Variants in NAALADL2 observed in about 807,000 individuals in gnomAD.
NAALADL2 encodes N-acetylated alpha-linked acidic dipeptidase like 2.
In NAALADL2, 76 loss-of-function variants were observed where a neutral mutation model predicts 87.2. The ratio of observed to expected loss-of-function variants is 0.87; its 90% confidence interval spans 0.72 to 1.05. The LOEUF (loss-of-function observed/expected upper bound fraction) is 1.05, where lower values mean the gene tolerates loss of function less well. NAALADL2 is among the 50% of genes least tolerant of loss of function. NAALADL2 has a pLI of 0.00. For missense variants in NAALADL2, 1,089 were observed against 945.8 expected (o/e 1.15, Z -1.99); for synonymous variants, 354 against 331.0 (o/e 1.07, Z -0.75).
rs115595997 is a variant in NAALADL2 at position 175,490,133 on chromosome 3, C to T, written c.1653+18375C>T. Among the ~76,000 whole-genome samples, 338 of 152,274 alleles carry T rather than the reference C, an allele frequency of 2.2e-3. 1 individual carries two copies. The highest frequency in any genetic ancestry group is 6.4e-3 in the African/African-American group (265 of 41,562). ...AGCCAATGAGGTAGTGAGATGTTGA[C>T]TGCCTTTCAGGAAATAGGAGTTTTT... On this transcript the variant is annotated intron_variant, in intron 9 of 13. Coordinates refer to ENST00000454872, the MANE Select transcript of NAALADL2 (RefSeq NM_207015.3).
intron 2 of NAALADL2, among the ~76,000 whole-genome samples, chr3:175,116,286 T>A (rs1267909350): frequency 2.6e-5 from 4 of 151,958 alleles, no homozygotes; most frequent in Admixed American, 2.0e-4. Context: ...AAAGAGGAAG[T>A]CAAATTATCC....
intron 1 of NAALADL2, among the ~76,000 whole-genome samples, chr3:174,980,921 C>T (rs1041471814): frequency 2.0e-5 from 3 of 152,118 alleles, no homozygotes; most frequent in African/African-American, 7.2e-5. Flanking sequence ...GCAGTTCTGA[C>T]AGCTTAGTGG....
chr3:175,778,263 A>C (rs1750534081), intron 13 of NAALADL2, among the ~76,000 whole-genome samples: 1 of 152,224 alleles, frequency 6.6e-6, no homozygotes. Flanking sequence ...ATATACAGAA[A>C]AAAAGTAGCA....
chr3:175,013,099 T>TATGTA (rs58733049), intron 1 of NAALADL2, among the ~76,000 whole-genome samples: 10,236 of 20,892 alleles, frequency 0.49, 2,566 homozygotes, highest in African/African-American at 0.67. Context: ...TATATATAAA[T>TATGTA]ATACATATTT....
chr3:175,613,399 TGAA>T (rs1292345384), intron 10 of NAALADL2, among the ~76,000 whole-genome samples: 35 of 152,242 alleles, frequency 2.3e-4, no homozygotes, highest in African/African-American at 8.0e-4. Flanking sequence ...TTAAAATTAC[TGAA>T]GAATGGGCAA....
chr3:175,323,987 C>T (rs1242109612), intron 4 of NAALADL2, among the ~76,000 whole-genome samples, 188 bp from the exon 5 acceptor site: 1 of 136,602 alleles, frequency 7.3e-6, no homozygotes, highest in Non-Finnish European at 1.5e-5. Context: ...TACTGCACTC[C>T]AGCCTGGGCG....
chr3:175,566,153 T>C (rs1202721411), intron 9 of NAALADL2, among the ~76,000 whole-genome samples: 2 of 152,132 alleles, frequency 1.3e-5, no homozygotes, highest in Non-Finnish European at 2.9e-5. Context: ...TAAAGCCTTT[T>C]TTCATACTAT....
intron 2 of NAALADL2, among the ~76,000 whole-genome samples, chr3:174,687,100 C>T (rs1728118903): frequency 6.6e-6 from 1 of 152,076 alleles, no homozygotes; most frequent in Non-Finnish European, 1.5e-5. Context: ...AATGGAATAG[C>T]TGCCATTCCT....
intron 1 of NAALADL2, among the ~76,000 whole-genome samples, chr3:174,512,959 AT>A (rs775660030): frequency 1.8e-3 from 252 of 137,568 alleles, no homozygotes; most frequent in Middle Eastern, 0.012. Flanking sequence ...AATAAGCTTG[AT>A]TTTTTTTTTT....
chr3:175,560,809 A>G (rs1716146287), intron 9 of NAALADL2, among the ~76,000 whole-genome samples: 1 of 152,022 alleles, frequency 6.6e-6, no homozygotes, highest in Admixed American at 6.6e-5. Context: ...TTTAGTAGAG[A>G]TGGGCTTTCA....
At chr3:175,562,100 T>C (rs1322678789) in intron 9 of NAALADL2, among the ~76,000 whole-genome samples, 1 of 152,180 alleles carries the variant, frequency 6.6e-6, no homozygotes, top group Non-Finnish European at 1.5e-5. Flanking sequence ...CAGTTCCCGA[T>C]GTGGGTGGGG....
chr3:175,020,297 A>C (rs548745877), intron 1 of NAALADL2, among the ~76,000 whole-genome samples: 266 of 152,174 alleles, frequency 1.7e-3, no homozygotes, highest in African/African-American at 6.2e-3. Context: ...TGTTACAATT[A>C]ATGATGCGAT....
intron 1 of NAALADL2, among the ~76,000 whole-genome samples, chr3:174,903,186 G>C (rs1430994919): frequency 1.3e-5 from 2 of 151,994 alleles, no homozygotes; most frequent in Non-Finnish European, 2.9e-5. Context: ...CTGAAGAGTT[G>C]AGCTAAGATC....
intron 1 of NAALADL2, among the ~76,000 whole-genome samples, chr3:174,924,251 C>T (rs1735653825): frequency 7.2e-6 from 1 of 138,124 alleles, no homozygotes; most frequent in African/African-American, 2.7e-5. Flanking sequence ...GTGATGTCCC[C>T]CTTCCTGTGT....
rs916543304 is a variant in NAALADL2, at chr3:175,456,090, T to C, written c.1235-7311T>C. ...TGGAATTTTTTCTAGATACTTGGTA[T>C]AATTATTCACAATACAGGTGAAAAT... On this transcript the variant is annotated intron_variant, in intron 6 of 13. Coordinates refer to ENST00000454872, the MANE Select transcript of NAALADL2 (RefSeq NM_207015.3). Among the ~76,000 whole-genome samples, 44 of 152,174 alleles carry C rather than the reference T, an allele frequency of 2.9e-4. 4 individuals carry two copies. Among genetic ancestry groups the C allele is most frequent in the Admixed American group, 1.5e-3 (23 of 15,242 alleles).
chr3:175,261,274 T>C (rs1750987141), intron 4 of NAALADL2, among the ~76,000 whole-genome samples: 1 of 151,966 alleles, frequency 6.6e-6, no homozygotes, highest in South Asian at 2.1e-4. Flanking sequence ...AGAATAGCAC[T>C]CTAGTATGGA....
At chr3:175,312,853 A>C (rs1445929783) in intron 4 of NAALADL2, among the ~76,000 whole-genome samples, 1 of 152,214 alleles carries the variant, frequency 6.6e-6, no homozygotes, top group Non-Finnish European at 1.5e-5. Flanking sequence ...ATTTGACCTA[A>C]AGTTGACTCA....
chr3:175,368,821 T>C (rs376807584), intron 5 of NAALADL2, among the ~76,000 whole-genome samples: 1 of 152,064 alleles, frequency 6.6e-6, no homozygotes, highest in Non-Finnish European at 1.5e-5. Flanking sequence ...CTGAACACTG[T>C]AGGCAATTAC....
At chr3:175,265,974 G>GATAGT (rs57384572) in intron 4 of NAALADL2, among the ~76,000 whole-genome samples, 2 of 149,824 alleles carry the variant, frequency 1.3e-5, no homozygotes, top group Admixed American at 1.3e-4. Flanking sequence ...ACACTATTGG[G>GATAGT]TTTATAGATC....
Sources: allele counts gnomAD v4.1 joint callset (sites outside exome capture counted in the v4.1 genomes callset), GRCh38; gene constraint gnomAD v4.1.1; transcripts MANE v1.5; gene names NCBI Gene and HGNC (gene_info 2026-07-23, HGNC 2026-07-21).